Variants in GRID1 observed in about 807,000 individuals in gnomAD.
The protein encoded by GRID1 is glutamate receptor ionotropic, delta-1.
GRID1 carries 28 observed loss-of-function variants against 98.0 expected under a neutral mutation model. The observed-to-expected ratio is 0.29, with a 90% CI of 0.21 to 0.39. The LOEUF is 0.39. Ranked by LOEUF, GRID1 falls within the 10% of genes least tolerant of loss-of-function variation. The pLI, the probability that GRID1 is intolerant of heterozygous loss-of-function variation, is 1.00. For synonymous variants in GRID1, 553 were observed against 538.5 expected (o/e 1.03, Z -0.37); for missense variants, 1,111 against 1,340.5 (o/e 0.83, Z 2.67).
chr10:85,927,773 T>C (rs910351176), intron 4 of GRID1, among the ~76,000 whole-genome samples: 7 of 152,104 alleles, frequency 4.6e-5, no homozygotes, highest in East Asian at 1.9e-4. Flanking sequence ...TGGGCATCCA[T>C]GGAAGGAAGT....
rs553804565 is a variant in GRID1 at position 86,247,246 on chromosome 10, C to T, written c.236-40598G>A. ...GTAGATGGAAGGACAGAGGGATGGA[C>T]AGATGGATGGATAGATGGATGGATG... is the stretch of plus-strand genomic sequence containing the variant. On this transcript the variant is annotated intron_variant, in intron 2 of 15. Transcript: ENST00000327946. Among the ~76,000 whole-genome samples the T allele has an allele frequency of 4.6e-5, 6 of 131,844 alleles. No individual in the cohort carries two copies. The South Asian group carries it at 1.0e-3, about 23-fold the overall frequency. The allele number at this position is 131,844 out of a possible 152,430, so 86.5% of individuals were successfully genotyped here. A position where few individuals can be genotyped will look rare whatever the true frequency, so the allele number is the denominator to read the frequency against.
chr10:86,362,124 T>C (rs960933499), intron 2 of GRID1, among the ~76,000 whole-genome samples: 3 of 152,324 alleles, frequency 2.0e-5, no homozygotes, highest in Admixed American at 6.5e-5. Context: ...CCAGGAAATA[T>C]GTGCTTCCAA....
chr10:85,970,954 C>CA (rs1028263816), intron 4 of GRID1, among the ~76,000 whole-genome samples: 2 of 151,556 alleles, frequency 1.3e-5, no homozygotes, highest in African/African-American at 2.4e-5. Context: ...GATATTCACA[C>CA]AAAAAACTAT....
rs1279395721 is a variant in GRID1, at chr10:85,600,295, G to T, written c.*1978C>A. 6.6e-6 allele frequency: 1 copy of T among 152,092 alleles called. No individual in the cohort carries two copies. The highest frequency in any genetic ancestry group is 1.5e-5 in the Non-Finnish European group (1 of 68,024). The allele number at this position is 152,092 out of a possible 1,614,324, so 9.4% of individuals were successfully genotyped here. On this transcript the variant is annotated 3_prime_UTR_variant, in exon 16 of 16. Coordinates refer to ENST00000327946, the MANE Select transcript of GRID1 (RefSeq NM_017551.3). The stretch of plus-strand genomic sequence containing the variant: ...CTGATTGGAGAAATGTCAATGGATT[G>T]CCTAGGTAGCACGAATATCAGACCA...
chr10:85,789,830 A>G (rs1314609477), intron 8 of GRID1, among the ~76,000 whole-genome samples: 1 of 152,110 alleles, frequency 6.6e-6, no homozygotes, highest in Non-Finnish European at 1.5e-5. Context: ...GATCTCATTC[A>G]ATGCAAACCT....
intron 3 of GRID1, among the ~76,000 whole-genome samples, chr10:86,151,712 G>A (rs539673604): frequency 1.3e-4 from 20 of 152,306 alleles, no homozygotes; most frequent in African/African-American, 3.8e-4. Flanking sequence ...AACCTGGGAC[G>A]GGTTCCCCCT....
chr10:86,326,155 C>A (rs1848047666), intron 2 of GRID1, among the ~76,000 whole-genome samples: 1 of 151,976 alleles, frequency 6.6e-6, no homozygotes. Context: ...CAATAAAATC[C>A]CTGGGGATAA....
intron 10 of GRID1, among the ~76,000 whole-genome samples, chr10:85,726,748 T>C (rs1189979517): frequency 6.6e-6 from 1 of 152,190 alleles, no homozygotes; most frequent in East Asian, 1.9e-4. Flanking sequence ...GATTAATGGT[T>C]GCCTAGGGCT....
chr10:86,322,943 A>G (rs1234591445), intron 2 of GRID1, among the ~76,000 whole-genome samples: 2 of 151,138 alleles, frequency 1.3e-5, no homozygotes, highest in African/African-American at 2.4e-5. Context: ...AATACAAAAA[A>G]AAAAAGCTAG....
chr10:85,821,546 G>GCAAACAAACAAAAAAC (rs1842772809), intron 8 of GRID1, among the ~76,000 whole-genome samples: 2 of 69,630 alleles, frequency 2.9e-5, no homozygotes, highest in Non-Finnish European at 5.8e-5. Context: ...AAAAAAAAAA[G>GCAAACAAACAAAAAAC]AAAACAGATC....
chr10:85,889,342 C>G (rs1350891387), intron 5 of GRID1, among the ~76,000 whole-genome samples: 1 of 152,276 alleles, frequency 6.6e-6, no homozygotes, highest in Non-Finnish European at 1.5e-5. Flanking sequence ...CCCCTTACCC[C>G]TCTCCTCCCA....
At chr10:86,216,592 A>G (rs898905898) in intron 2 of GRID1, among the ~76,000 whole-genome samples, 3 of 152,192 alleles carry the variant, frequency 2.0e-5, no homozygotes, top group African/African-American at 7.2e-5. Context: ...ACTTTATCTA[A>G]TTCTGCCCAA....
At chr10:85,757,970 C>T (rs1001873345) in intron 8 of GRID1, among the ~76,000 whole-genome samples, 3 of 152,172 alleles carry the variant, frequency 2.0e-5, no homozygotes, top group Admixed American at 6.5e-5. Context: ...AATTTTATAT[C>T]GTAACACTCC....
At chr10:85,737,721 A>G in intron 8 of GRID1, among the ~76,000 whole-genome samples, 1 of 142,366 alleles carries the variant, frequency 7.0e-6, no homozygotes, top group Admixed American at 7.2e-5. Context: ...ATGTTTATAT[A>G]TATATAACCA....
intron 8 of GRID1, among the ~76,000 whole-genome samples, chr10:85,853,317 A>C (rs1361267600): frequency 6.6e-6 from 1 of 152,156 alleles, no homozygotes; most frequent in African/African-American, 2.4e-5. Flanking sequence ...TGGTGACATC[A>C]GGCTAGAGGG....
At chr10:85,768,769 C>A (rs1167864061) in intron 8 of GRID1, among the ~76,000 whole-genome samples, 1 of 152,222 alleles carries the variant, frequency 6.6e-6, no homozygotes, top group Non-Finnish European at 1.5e-5. Context: ...GAAATTGGAA[C>A]CCCAATGCAT....
chr10:86,110,533 G>C (rs1222818703), intron 4 of GRID1, among the ~76,000 whole-genome samples: 1 of 152,116 alleles, frequency 6.6e-6, no homozygotes, highest in Non-Finnish European at 1.5e-5. Flanking sequence ...GCATCAGGGG[G>C]ACTTCCAGCC....
At chr10:85,889,992 G>T (rs1052478221) in intron 5 of GRID1, among the ~76,000 whole-genome samples, 8 of 151,922 alleles carry the variant, frequency 5.3e-5, no homozygotes, top group Non-Finnish European at 1.2e-4. Context: ...ATCAGATCAG[G>T]GTGATTAGCA....
At chr10:86,342,921 T>A (rs1346681870) in intron 2 of GRID1, among the ~76,000 whole-genome samples, 4 of 152,266 alleles carry the variant, frequency 2.6e-5, no homozygotes, top group Admixed American at 1.3e-4. Flanking sequence ...TGGCGTTCCT[T>A]GGTGTATATG....
Sources: gnomAD v4.1 joint callset for allele counts (sites outside exome capture counted in the v4.1 genomes callset) on GRCh38, gnomAD v4.1.1 for gene constraint, MANE v1.5 for transcripts, NCBI Gene and HGNC (gene_info 2026-07-23, HGNC 2026-07-21) for gene names.